The following LUZP2 variants were observed in gnomAD, a reference collection of about 807,000 sequenced individuals.
The protein encoded by LUZP2 is leucine zipper protein 2.
In LUZP2, 52 loss-of-function variants were observed where a neutral mutation model predicts 51.6. The ratio of observed to expected loss-of-function variants is 1.01; its 90% confidence interval spans 0.81 to 1.27. The LOEUF is 1.27. LUZP2 is among the 50% of genes most tolerant of loss of function. The probability of loss-of-function intolerance (pLI) is 0.00; values close to 1 mark genes in which losing one functional copy is unlikely to be tolerated. For synonymous variants in LUZP2, 154 were observed against 137.3 expected (o/e 1.12, Z -0.85); for missense variants, 436 against 395.4 (o/e 1.10, Z -0.87).
At chr11:24,935,469 C>T (rs1471001910) in intron 7 of LUZP2, among the ~76,000 whole-genome samples, 3 of 152,090 alleles carry the variant, frequency 2.0e-5, no homozygotes, top group Non-Finnish European at 4.4e-5. Flanking sequence ...AAAGAAAGTA[C>T]AACACATAAT....
chr11:24,853,192 T>C (rs1701019395), intron 5 of LUZP2, among the ~76,000 whole-genome samples: 1 of 152,184 alleles, frequency 6.6e-6, no homozygotes, highest in African/African-American at 2.4e-5. Context: ...ATTTGATATG[T>C]TTCTGCAGTG....
chr11:24,881,614 G>A (rs1852472373), intron 5 of LUZP2, among the ~76,000 whole-genome samples: 1 of 151,982 alleles, frequency 6.6e-6, no homozygotes, highest in Non-Finnish European at 1.5e-5. Flanking sequence ...TTCTGGCTGG[G>A]AACACAATGT....
At chr11:24,569,953 T>C (rs12292322) in intron 1 of LUZP2, among the ~76,000 whole-genome samples, 2 of 151,836 alleles carry the variant, frequency 1.3e-5, no homozygotes, top group Non-Finnish European at 1.5e-5. Flanking sequence ...AAATTTTCAC[T>C]CAGTGTTTCA....
At chr11:24,953,324 C>T (rs1004581177) in intron 7 of LUZP2, among the ~76,000 whole-genome samples, 2 of 151,742 alleles carry the variant, frequency 1.3e-5, no homozygotes, top group Admixed American at 1.3e-4. Context: ...CCTAGGGGAC[C>T]ATGATATTCA....
chr11:24,911,788 G>A (rs1853644851), intron 6 of LUZP2, among the ~76,000 whole-genome samples: 1 of 152,128 alleles, frequency 6.6e-6, no homozygotes, highest in Admixed American at 6.6e-5. Context: ...GCTGTGTGAG[G>A]ACAGACAGTG....
chr11:25,071,779 T>A (rs1027741549), intron 10 of LUZP2, among the ~76,000 whole-genome samples: 2 of 151,366 alleles, frequency 1.3e-5, no homozygotes, highest in African/African-American at 4.9e-5. Flanking sequence ...GTAACAAACC[T>A]GCATGTTGTG....
chr11:24,852,236 G>A (rs146711993), intron 5 of LUZP2, among the ~76,000 whole-genome samples: 4,982 of 152,020 alleles, frequency 0.033, 98 homozygotes, highest in Middle Eastern at 0.055. Context: ...TTCTCCTGTG[G>A]GCATTTAGTG....
intron 10 of LUZP2, among the ~76,000 whole-genome samples, chr11:25,066,325 G>C (rs1264735009): frequency 6.6e-6 from 1 of 151,884 alleles, no homozygotes; most frequent in Non-Finnish European, 1.5e-5. Flanking sequence ...TGATTGCATA[G>C]AGCTTTTCAA....
chr11:24,841,781 A>T (rs933085444), intron 5 of LUZP2, among the ~76,000 whole-genome samples: 3 of 152,020 alleles, frequency 2.0e-5, no homozygotes, highest in Non-Finnish European at 4.4e-5. Context: ...GCTAAATTTA[A>T]CTCCCTGCCA....
At chr11:25,043,504 G>A (rs1035270190) in intron 9 of LUZP2, among the ~76,000 whole-genome samples, 9 of 150,106 alleles carry the variant, frequency 6.0e-5, no homozygotes, top group East Asian at 4.0e-4. Flanking sequence ...AGCACACTGC[G>A]ATTTAGGTAC....
At chr11:25,031,093 C>G (rs372825177) in intron 9 of LUZP2, among the ~76,000 whole-genome samples, 1 of 139,648 alleles carries the variant, frequency 7.2e-6, no homozygotes, top group African/African-American at 2.6e-5. Context: ...TCTCATGCAA[C>G]CTCCACCTCC....
At chr11:24,894,970 C>G (rs1042887836) in intron 5 of LUZP2, among the ~76,000 whole-genome samples, 1 of 152,098 alleles carries the variant, frequency 6.6e-6, no homozygotes, top group African/African-American at 2.4e-5. Context: ...TAGTTCAAGT[C>G]AAGTTCCTGG....
chr11:24,606,420 T>G (rs562642133), intron 1 of LUZP2, among the ~76,000 whole-genome samples: 1 of 152,034 alleles, frequency 6.6e-6, no homozygotes, highest in Non-Finnish European at 1.5e-5. Context: ...ATTTTTGTCT[T>G]GGATTATTTT....
intron 10 of LUZP2, among the ~76,000 whole-genome samples, chr11:25,073,774 G>A (rs981497288): frequency 1.3e-5 from 2 of 151,922 alleles, no homozygotes; most frequent in African/African-American, 4.8e-5. Context: ...TAATGTCAGT[G>A]TCAACTGATC....
chr11:24,786,086 T>G, intron 5 of LUZP2: 2 of 985,320 alleles, frequency 2.0e-6, no homozygotes, highest in Non-Finnish European at 2.4e-6. Flanking sequence ...GGCTGGCACC[T>G]GGTATATGAC....
At chr11:25,002,757 A>G (rs1856723938) in intron 9 of LUZP2, among the ~76,000 whole-genome samples, 1 of 152,218 alleles carries the variant, frequency 6.6e-6, no homozygotes, top group Admixed American at 6.5e-5. Context: ...ATGTATAAAA[A>G]GAAGTTTTGT....
intron 1 of LUZP2, among the ~76,000 whole-genome samples, chr11:24,500,259 G>C (rs1334569670): frequency 6.6e-6 from 1 of 152,228 alleles, no homozygotes; most frequent in Non-Finnish European, 1.5e-5. Context: ...CAAAGAAAAA[G>C]AGCTGTTTAA....
chr11:24,631,295 C>A (rs1049800725), intron 1 of LUZP2, among the ~76,000 whole-genome samples: 1 of 151,652 alleles, frequency 6.6e-6, no homozygotes, highest in Non-Finnish European at 1.5e-5. Flanking sequence ...CAGCTTTTCT[C>A]CACTTACTAT....
chr11:24,936,540 A>AT (rs58991994), intron 7 of LUZP2, among the ~76,000 whole-genome samples: 16 of 150,088 alleles, frequency 1.1e-4, no homozygotes, highest in Admixed American at 2.0e-4. Flanking sequence ...GAGTAAGGCA[A>AT]TTTTTTTTTT....
Sources: gnomAD v4.1 joint callset for allele counts (sites outside exome capture counted in the v4.1 genomes callset) on GRCh38, gnomAD v4.1.1 for gene constraint, MANE v1.5 for transcripts, NCBI Gene and HGNC (gene_info 2026-07-23, HGNC 2026-07-21) for gene names.